Variants in GPNMB observed in about 807,000 individuals in gnomAD.
The protein encoded by GPNMB is glycoprotein nmb.
In GPNMB, 71 loss-of-function variants were observed where a neutral mutation model predicts 57.3. The ratio of observed to expected loss-of-function variants is 1.24; its 90% confidence interval spans 1.02 to 1.51. GPNMB has a LOEUF of 1.51. Ranked by LOEUF, GPNMB falls within the 40% of genes most tolerant of loss-of-function variation. GPNMB has a pLI of 0.00. For missense variants in GPNMB, 677 were observed against 691.9 expected, an observed-to-expected ratio of 0.98 and a Z score of 0.24; for synonymous variants, 253 against 263.2, an observed-to-expected ratio of 0.96 and a Z score of 0.38.
At chr7:23,268,015 ATGGG>A (rs2307783) in intron 8 of GPNMB, 27 bp downstream of exon 8, 535,726 of 1,377,648 alleles carry the variant, frequency 0.39, 111,317 homozygotes, top group African/African-American at 0.69. Flanking sequence ...CGACAGAGGC[ATGGG>A]TGGGTCAACT....
At chr7:23,250,642 G>A (rs1782640381) in intron 1 of GPNMB, 1 of 151,934 alleles carries the variant, frequency 6.6e-6, no homozygotes, top group African/African-American at 2.4e-5. Flanking sequence ...ATTGACCTAT[G>A]TGCCTATCCC....
At chr7:23,259,243 T>C (rs1038562793) in intron 4 of GPNMB, among the ~76,000 whole-genome samples, 1 of 152,194 alleles carries the variant, frequency 6.6e-6, no homozygotes, top group Non-Finnish European at 1.5e-5. Flanking sequence ...TGGAGTGCAG[T>C]GGTGTGATCT....
In GPNMB at chr7:23,267,932, G is replaced by A; in HGVS notation, c.1164G>A (p.Met388Ile). The A allele has an allele frequency of 6.2e-7, 1 of 1,613,872 alleles. No individual in the cohort carries two copies. Among genetic ancestry groups the A allele is most frequent in the Non-Finnish European group, 8.5e-7 (1 of 1,179,788 alleles). The change falls in exon 8 of 11, where the codon ATG becomes ATA. Residue 388 changes from methionine (M) to isoleucine (I), a missense_variant. Physicochemically the swap from Met to Ile is conservative, Grantham distance 10. Coordinates refer to ENST00000258733, the MANE Select transcript of GPNMB (RefSeq NM_002510.3). Reference protein sequence around the residue: ...VNIIQMTDVLMPVPWPESSLI... With the variant: ...VNIIQMTDVLIPVPWPESSLI... ...TCATCCAGATGACAGACGTCCTGAT[G>A]CCGGTGCCATGGCCTGAAAGCTCCC...
At position 23,268,086 on chromosome 7, in the gene GPNMB, T is replaced by G. The variant is rs879057730; in HGVS notation, c.1220+98T>G. The G allele has an allele frequency of 3.3e-5, 25 of 752,242 alleles. No individual in the cohort carries two copies. In the South Asian group the frequency reaches 3.8e-4, roughly 11 times the overall value. The allele number at this position is 752,242 out of a possible 1,614,324, so 46.6% of individuals were successfully genotyped here. On this transcript the variant is annotated intron_variant, in intron 8 of 10. Coordinates refer to ENST00000258733, the MANE Select transcript of GPNMB (RefSeq NM_002510.3). ...CACCAGTTACCCCTTTTAAGTTGAT[T>G]TGAATTCCTATTGATTTGAATTCCT...
chr7:23,268,104 G>T (rs1783114438), intron 8 of GPNMB, 116 bp downstream of exon 8: 3 of 685,500 alleles, frequency 4.4e-6, no homozygotes, highest in Non-Finnish European at 7.8e-6. Flanking sequence ...CTATTGATTT[G>T]AATTCCTATT....
intron 4 of GPNMB, chr7:23,257,296 C>T: frequency 1.7e-6 from 1 of 592,560 alleles, no homozygotes; most frequent in Non-Finnish European, 3.0e-6. Flanking sequence ...AAAGATTAAG[C>T]TCTTTTTCAA....
At chr7:23,247,398 G>T (rs1583809167) in intron 1 of GPNMB, 1 of 172,884 alleles carries the variant, frequency 5.8e-6, no homozygotes, top group Non-Finnish European at 1.3e-5. Context: ...TCACAGACCT[G>T]CAGGAGCTTG....
At chr7:23,254,131 G>A (rs1412309716) in intron 2 of GPNMB, 38 bp from the exon 3 acceptor site, 1 of 1,575,998 alleles carries the variant, frequency 6.3e-7, no homozygotes, top group Non-Finnish European at 8.6e-7. Flanking sequence ...AAAGGAAAAA[G>A]ATGCTGGATC....
chr7:23,263,302 A>ATGGTGACATATCTTAT (rs1378485796), intron 6 of GPNMB, among the ~76,000 whole-genome samples: 1 of 152,122 alleles, frequency 6.6e-6, no homozygotes, highest in Admixed American at 6.6e-5. Context: ...ATTTCTCCCT[A>ATGGTGACATATCTTAT]GGTGACACCA....
chr7:23,265,927 C>T (rs1346174511), intron 6 of GPNMB, among the ~76,000 whole-genome samples: 1 of 149,456 alleles, frequency 6.7e-6, no homozygotes, highest in African/African-American at 2.5e-5. Context: ...TCTTCATGAC[C>T]ATTGTATCAC....
intron 9 of GPNMB, among the ~76,000 whole-genome samples, chr7:23,272,536 G>A (rs1783235174): frequency 6.6e-6 from 1 of 152,180 alleles, no homozygotes; most frequent in Non-Finnish European, 1.5e-5. Flanking sequence ...TGAATGCTCA[G>A]AAGGAAAGGT....
chr7:23,251,252 T>C (rs1282064361), intron 1 of GPNMB, among the ~76,000 whole-genome samples: 2 of 152,192 alleles, frequency 1.3e-5, no homozygotes, highest in African/African-American at 2.4e-5. Flanking sequence ...ATAGAAGGAA[T>C]AGGTCAGAGA....
intron 5 of GPNMB, 64 bp downstream of exon 5, chr7:23,260,202 A>C (rs756932040): frequency 2.6e-6 from 4 of 1,557,198 alleles, no homozygotes; most frequent in Non-Finnish European, 3.5e-6. Flanking sequence ...ATGGGTTAAA[A>C]AAGAGGTAAG....
intron 6 of GPNMB, among the ~76,000 whole-genome samples, chr7:23,262,969 A>G (rs199349): frequency 0.057 from 8,729 of 152,124 alleles, 385 homozygotes; most frequent in African/African-American, 0.1. Flanking sequence ...TTCCAACTAC[A>G]ATTATAACTG....
At chr7:23,271,719 C>A (rs1033996559) in intron 9 of GPNMB, among the ~76,000 whole-genome samples, 1 of 151,918 alleles carries the variant, frequency 6.6e-6, no homozygotes, top group African/African-American at 2.4e-5. Flanking sequence ...TAATTTGAAC[C>A]CTGGAGGCAG....
intron 6 of GPNMB, among the ~76,000 whole-genome samples, chr7:23,262,785 A>T (rs1213312834): frequency 2.0e-5 from 3 of 150,984 alleles, no homozygotes; most frequent in African/African-American, 7.3e-5. Flanking sequence ...CACCCAGCTA[A>T]TTTTTTTATT....
chr7:23,253,863 C>T (rs924537139), intron 2 of GPNMB, among the ~76,000 whole-genome samples: 1 of 152,124 alleles, frequency 6.6e-6, no homozygotes, highest in East Asian at 1.9e-4. Context: ...CCATTGGTTT[C>T]GAGATTTAAA....
Position 23,246,775 on chromosome 7 carries a change from A to G in GPNMB, c.-83A>G, listed in dbSNP as rs1782539309. ...TAGAGAGGGAGGCACCACAGATGCC[A>G]GAAGAACACTGTTGCTCTTGGTGGA... On this transcript the variant is annotated 5_prime_UTR_variant, in exon 1 of 11. Transcript: ENST00000258733. 1 of 996,752 alleles carries G rather than the reference A, an allele frequency of 1.0e-6. No individual in the cohort carries two copies. The allele number at this position is 996,752 out of a possible 1,614,324, so 61.7% of individuals were successfully genotyped here. A position where few individuals can be genotyped will look rare whatever the true frequency, so the allele number is the denominator to read the frequency against.
At chr7:23,248,013 T>G (rs1782574655) in intron 1 of GPNMB, 1 of 150,540 alleles carries the variant, frequency 6.6e-6, no homozygotes, top group Non-Finnish European at 1.5e-5. Context: ...GGAGGCAGCC[T>G]TCCATCCCGA....
Sources: gnomAD v4.1 joint callset for allele counts (sites outside exome capture counted in the v4.1 genomes callset) on GRCh38, gnomAD v4.1.1 for gene constraint, MANE v1.5 for transcripts, NCBI Gene and HGNC (gene_info 2026-07-23, HGNC 2026-07-21) for gene names.